TRIO: variants seen among roughly 807,000 people sequenced by gnomAD.
TRIO encodes triple functional domain protein.
TRIO carries 58 observed loss-of-function variants against 351.9 expected under a neutral mutation model. That is an observed-to-expected ratio of 0.16 (90% CI 0.13 to 0.21). The LOEUF (loss-of-function observed/expected upper bound fraction) is 0.21, where lower values mean the gene tolerates loss of function less well. Among genes scored for constraint, TRIO ranks in the 10% least tolerant of loss-of-function variants. The probability of loss-of-function intolerance (pLI) is 1.00; values close to 1 mark genes in which losing one functional copy is unlikely to be tolerated. For missense variants in TRIO, 3,201 were observed against 4,027.8 expected, an observed-to-expected ratio of 0.79 and a Z score of 5.56; for synonymous variants, 1,758 against 1,595.7, an observed-to-expected ratio of 1.10 and a Z score of -2.42.
chr5:14,255,286 T>C (rs188614361), intron 1 of TRIO, among the ~76,000 whole-genome samples: 110 of 152,250 alleles, frequency 7.2e-4, no homozygotes, highest in African/African-American at 2.6e-3. Context: ...CCCTGACATA[T>C]CTCTAGGCGT....
intron 1 of TRIO, among the ~76,000 whole-genome samples, chr5:14,191,626 A>G (rs1790463719): frequency 6.6e-6 from 1 of 151,882 alleles, no homozygotes; most frequent in Non-Finnish European, 1.5e-5. Context: ...TATTTTCATC[A>G]TTAACATATG....
intron 34 of TRIO, among the ~76,000 whole-genome samples, chr5:14,443,232 G>T (rs1445069865): frequency 2.0e-5 from 3 of 152,184 alleles, no homozygotes; most frequent in African/African-American, 4.8e-5. Flanking sequence ...GGAAAAATTC[G>T]TAAGAAAAAT....
At chr5:14,259,196 G>A (rs1257719796) in intron 1 of TRIO, among the ~76,000 whole-genome samples, 1 of 152,210 alleles carries the variant, frequency 6.6e-6, no homozygotes, top group Non-Finnish European at 1.5e-5. Context: ...GTTTGAATAT[G>A]TATACAGATG....
intron 1 of TRIO, among the ~76,000 whole-genome samples, chr5:14,229,225 TA>T (rs1793246216): frequency 6.6e-6 from 1 of 152,186 alleles, no homozygotes; most frequent in African/African-American, 2.4e-5. Context: ...AACAGGCTAT[TA>T]ACTTTCTGTA....
At chr5:14,295,729 C>G (rs1737304796) in intron 6 of TRIO, among the ~76,000 whole-genome samples, 1 of 152,198 alleles carries the variant, frequency 6.6e-6, no homozygotes, top group South Asian at 2.1e-4. Flanking sequence ...GGAGGCCTTG[C>G]TTTTAATTTA....
intron 21 of TRIO, among the ~76,000 whole-genome samples, chr5:14,386,220 G>A (rs191547517): frequency 8.5e-5 from 13 of 152,316 alleles, no homozygotes; most frequent in African/African-American, 2.4e-4. Flanking sequence ...GGATATCTGG[G>A]GGAGTGGCTT....
In TRIO at chr5:14,497,768, A is replaced by C; in HGVS notation, c.8020-79A>C. 1 of 1,577,512 alleles carries C rather than the reference A, an allele frequency of 6.3e-7. No homozygotes were observed. ...CAGTTTCTGCAAATCTTTCAACAAT[A>C]ATTGTAGCCCTGGAATGAAAGGAAT... On this transcript the variant is annotated intron_variant, in intron 50 of 56. Coordinates refer to ENST00000344204, the MANE Select transcript of TRIO (RefSeq NM_007118.4). The surrounding 1 kb of genome is among the most constrained non-coding windows in gnomAD (Gnocchi z 4.4).
At chr5:14,218,411 A>G (rs1792362677) in intron 1 of TRIO, among the ~76,000 whole-genome samples, 1 of 152,228 alleles carries the variant, frequency 6.6e-6, no homozygotes, top group Non-Finnish European at 1.5e-5. Flanking sequence ...ATGTCATTTA[A>G]TTTGAAAAAT....
intron 1 of TRIO, among the ~76,000 whole-genome samples, chr5:14,223,162 A>C (rs32394): frequency 6.6e-6 from 1 of 152,110 alleles, no homozygotes; most frequent in Non-Finnish European, 1.5e-5. Context: ...AGTGGCAGAG[A>C]GTTATGTGAC....
At chr5:14,384,146 G>C (rs1406147917) in intron 21 of TRIO, among the ~76,000 whole-genome samples, 1 of 152,160 alleles carries the variant, frequency 6.6e-6, no homozygotes, top group Middle Eastern at 3.2e-3. Context: ...GGCTCTCTTG[G>C]AGTGAGGCCT....
intron 55 of TRIO, 105 bp downstream of exon 55, chr5:14,504,698 G>A: frequency 7.3e-7 from 1 of 1,376,458 alleles, no homozygotes. Flanking sequence ...TGGGTTTGTA[G>A]AATTTACAGA....
intron 33 of TRIO, among the ~76,000 whole-genome samples, chr5:14,415,548 G>A (rs920200954): frequency 4.6e-5 from 7 of 152,186 alleles, no homozygotes; most frequent in African/African-American, 1.2e-4. Flanking sequence ...CATTAACTGC[G>A]TTCGTGCAAG....
chr5:14,417,818 G>A (rs191773165), intron 33 of TRIO, among the ~76,000 whole-genome samples: 3 of 152,368 alleles, frequency 2.0e-5, no homozygotes, highest in East Asian at 3.9e-4. Flanking sequence ...TAGAGCATAT[G>A]TATCTTTTCT....
chr5:14,433,774 C>G (rs1394178704), intron 34 of TRIO, among the ~76,000 whole-genome samples: 1 of 152,300 alleles, frequency 6.6e-6, no homozygotes, highest in East Asian at 1.9e-4. Context: ...TTATATCATT[C>G]AAGATCTAAT....
At position 14,498,389 on chromosome 5, in the gene TRIO, A is replaced by G. The variant is rs1757041188; in HGVS notation, c.8211-130A>G. 6 of 1,508,292 alleles carry G rather than the reference A, an allele frequency of 4.0e-6. No individual in the cohort carries two copies. The East Asian group carries it at 9.8e-5, about 25-fold the overall frequency. 93.4% of individuals were successfully genotyped at this position (1,508,292 alleles called of 1,614,324 possible). ...CACTTCTTCCGTGAGAGCCCATTTC[A>G]CGCCTGGGTGTACAGCTCCTCATCA... On this transcript the variant is annotated intron_variant, in intron 52 of 56. Coordinates refer to ENST00000344204, the MANE Select transcript of TRIO (RefSeq NM_007118.4).
chr5:14,206,322 A>G (rs944590714), intron 1 of TRIO, among the ~76,000 whole-genome samples: 11 of 152,178 alleles, frequency 7.2e-5, no homozygotes, highest in African/African-American at 2.4e-4. Context: ...AGGCCTCCCA[A>G]AATGTTGGGA....
At chr5:14,368,607 C>T in intron 16 of TRIO, 101 bp from the exon 17 acceptor site, 1 of 1,330,344 alleles carries the variant, frequency 7.5e-7, no homozygotes, top group Non-Finnish European at 1.0e-6. Context: ...AAGGTATTTC[C>T]ACAAAATCAT....
chr5:14,449,485 C>T (rs954945804), intron 34 of TRIO, among the ~76,000 whole-genome samples: 5 of 152,204 alleles, frequency 3.3e-5, no homozygotes, highest in African/African-American at 1.2e-4. Flanking sequence ...CCAACAACCA[C>T]CACTTGATTC....
At chr5:14,460,922 C>T in intron 34 of TRIO, 97 bp from the exon 35 acceptor site, 3 of 1,394,464 alleles carry the variant, frequency 2.2e-6, no homozygotes, top group South Asian at 3.2e-5. Context: ...GGCATCCAGG[C>T]CCACTGGCTT....
Sources: allele counts gnomAD v4.1 joint callset (sites outside exome capture counted in the v4.1 genomes callset), GRCh38; gene constraint gnomAD v4.1.1; non-coding constraint Gnocchi (gnomAD v3.1); transcripts MANE v1.5; gene names NCBI Gene and HGNC (gene_info 2026-07-23, HGNC 2026-07-21).